Variants in ITPK1 observed in about 807,000 individuals in gnomAD.
ITPK1 encodes the protein inositol-tetrakisphosphate 1-kinase, also known as inositol 1,3,4-trisphosphate 5/6-kinase.
In ITPK1, 21 loss-of-function variants were observed where a neutral mutation model predicts 45.3. The ratio of observed to expected loss-of-function variants is 0.46; its 90% CI spans 0.33 to 0.67. The LOEUF (loss-of-function observed/expected upper bound fraction) is 0.67. Among genes scored for constraint, ITPK1 ranks in the 30% least tolerant of loss-of-function variants. The probability of loss-of-function intolerance (pLI) is 0.02; values close to 1 mark genes in which losing one functional copy is unlikely to be tolerated. For missense variants in ITPK1, 474 were observed against 573.5 expected (o/e 0.83, Z 1.77); for synonymous variants, 258 against 253.6 (o/e 1.02, Z -0.16).
chr14:93,051,761 C>T (rs557515068), intron 3 of ITPK1, among the ~76,000 whole-genome samples: 86 of 152,366 alleles, frequency 5.6e-4, no homozygotes, highest in Admixed American at 1.8e-3. Flanking sequence ...GACCGGAAAC[C>T]ACCCTGTGCC....
At chr14:93,046,131 C>T (rs908361209) in intron 3 of ITPK1, among the ~76,000 whole-genome samples, 6 of 152,206 alleles carry the variant, frequency 3.9e-5, no homozygotes, top group Non-Finnish European at 7.3e-5. Context: ...AAGCCGCACC[C>T]CTCCCTCCTG....
intron 3 of ITPK1, among the ~76,000 whole-genome samples, chr14:93,028,791 T>G (rs1222967973): frequency 6.6e-6 from 1 of 152,226 alleles, no homozygotes; most frequent in Non-Finnish European, 1.5e-5. Context: ...AGCTTCGGCA[T>G]TTCTAAGCCT....
chr14:93,075,326 C>CAAAA (rs58089863), intron 3 of ITPK1, among the ~76,000 whole-genome samples: 21 of 53,970 alleles, frequency 3.9e-4, no homozygotes, highest in African/African-American at 5.5e-4. Flanking sequence ...GACTCCTTCT[C>CAAAA]AAAAAAAAAA....
At chr14:92,970,052 C>T (rs920751434) in intron 5 of ITPK1, among the ~76,000 whole-genome samples, 10 of 152,178 alleles carry the variant, frequency 6.6e-5, no homozygotes, top group African/African-American at 1.9e-4. Flanking sequence ...CGCGTCACAC[C>T]TCATTACCCA....
At chr14:93,035,429 G>A (rs954223315) in intron 3 of ITPK1, among the ~76,000 whole-genome samples, 1 of 152,232 alleles carries the variant, frequency 6.6e-6, no homozygotes, top group Non-Finnish European at 1.5e-5. Context: ...ACAGTGGAAT[G>A]CCTCCCTCAT....
intron 8 of ITPK1, among the ~76,000 whole-genome samples, chr14:92,955,716 T>A (rs1884678673): frequency 6.6e-6 from 1 of 152,234 alleles, no homozygotes; most frequent in South Asian, 2.1e-4. Context: ...CTGGCAGTTG[T>A]CGAGTGAAGA....
At chr14:93,018,033 C>A (rs969663494) in intron 3 of ITPK1, among the ~76,000 whole-genome samples, 1 of 152,190 alleles carries the variant, frequency 6.6e-6, no homozygotes, top group African/African-American at 2.4e-5. Flanking sequence ...CCGCTGCCTG[C>A]CCCTGCAACC....
At chr14:93,027,311 C>G (rs540385293) in intron 3 of ITPK1, among the ~76,000 whole-genome samples, 2 of 152,192 alleles carry the variant, frequency 1.3e-5, no homozygotes, top group Admixed American at 6.5e-5. Flanking sequence ...GAAGAGCACA[C>G]GTTTGGAGTC....
intron 2 of ITPK1, among the ~76,000 whole-genome samples, chr14:93,104,378 A>T (rs905196100): frequency 1.3e-5 from 2 of 151,910 alleles, no homozygotes; most frequent in African/African-American, 4.8e-5. Flanking sequence ...AATCCCAGCT[A>T]CTGGGGAGGC....
chr14:93,018,055 G>A (rs767364545), intron 3 of ITPK1, among the ~76,000 whole-genome samples: 16 of 151,954 alleles, frequency 1.1e-4, no homozygotes, highest in East Asian at 1.9e-4. Context: ...CGCTCCCCAC[G>A]CCTGCTCTGT....
rs2139891639 is a variant in ITPK1 at position 93,032,020 on chromosome 14, C to T, written c.121-15219G>A. 6.6e-6 allele frequency among the ~76,000 whole-genome samples: 1 copy of T among 152,312 alleles called. No individual in the cohort carries two copies. The highest frequency in any genetic ancestry group is 1.9e-4 in the East Asian group (1 of 5,180). ...TGCTTTCCAATCCGAAGAGAGCATT[C>T]CTTGAGGCAGTTTTCCAAACTGGTA... is the stretch of plus-strand genomic sequence containing the variant. On this transcript the variant is annotated intron_variant, in intron 3 of 10. Coordinates refer to ENST00000267615, the MANE Select transcript of ITPK1 (RefSeq NM_014216.6). This position sits in a 1 kb window ranked among gnomAD's most constrained non-coding sequence, Gnocchi z 4.0.
chr14:92,945,302 CTGCGCA>C (rs1277238264), intron 10 of ITPK1, among the ~76,000 whole-genome samples: 6 of 152,274 alleles, frequency 3.9e-5, no homozygotes, highest in African/African-American at 1.4e-4. Context: ...CTGACTGCGC[CTGCGCA>C]TGCTCTCAGA....
At chr14:92,960,804 C>A (rs1010745136) in intron 7 of ITPK1, among the ~76,000 whole-genome samples, 8 of 152,376 alleles carry the variant, frequency 5.3e-5, no homozygotes, top group Non-Finnish European at 1.5e-5. Flanking sequence ...TGCTCTCGAG[C>A]CTTCCTGCTC....
At chr14:92,997,711 C>T (rs1436182571) in intron 4 of ITPK1, among the ~76,000 whole-genome samples, 1 of 152,220 alleles carries the variant, frequency 6.6e-6, no homozygotes, top group Non-Finnish European at 1.5e-5. Flanking sequence ...TGTTCCCTCG[C>T]AGGGCCTGCC....
In ITPK1 at chr14:93,115,094, A is replaced by G. The variant is rs1383226206; in HGVS notation, c.70T>C (p.Phe24Leu). ...CTGCACAGCTCGGCGAAGGCCTGGA[A>G]ATTCAGCTTCTTGATTTTCTTCTCG... ...LSEKKIKKLN[F>L]QAFAELCRKR... Residue 24 changes from phenylalanine to leucine, a missense_variant, in exon 2 of 11, where the codon TTC becomes CTC. This residue lies in a region of ITPK1 where 367 missense variants were observed against 480.6 expected (regional missense o/e 0.76). Coordinates refer to ENST00000267615, the MANE Select transcript of ITPK1 (RefSeq NM_014216.6). 11 of 1,600,830 alleles carry G rather than the reference A, an allele frequency of 6.9e-6. No individual in the cohort carries two copies. The Admixed American group carries it at 1.9e-4, about 27-fold the overall frequency.
At chr14:92,955,842 G>A (rs1884689410) in intron 8 of ITPK1, among the ~76,000 whole-genome samples, 1 of 152,246 alleles carries the variant, frequency 6.6e-6, no homozygotes. Flanking sequence ...TTGGAAAGCT[G>A]GGGTGAGGGC....
intron 3 of ITPK1, among the ~76,000 whole-genome samples, chr14:93,037,589 ACT>A (rs1341860324): frequency 1.3e-5 from 2 of 152,124 alleles, no homozygotes; most frequent in Non-Finnish European, 2.9e-5. Flanking sequence ...CAGGCCCAGG[ACT>A]CAAGAACTCC....
At chr14:92,995,899 C>T (rs1185385113) in intron 4 of ITPK1, among the ~76,000 whole-genome samples, 1 of 152,222 alleles carries the variant, frequency 6.6e-6, no homozygotes, top group Non-Finnish European at 1.5e-5. Context: ...ACAGTCTCAG[C>T]CTCACCCAAG....
chr14:92,958,244 C>A lies in ITPK1; in HGVS notation c.627G>T (p.Val209=). 1 of 1,614,180 alleles carries A rather than the reference C, an allele frequency of 6.2e-7. No homozygotes were observed. Among genetic ancestry groups the A allele is most frequent in the Non-Finnish European group, 8.5e-7 (1 of 1,180,026 alleles). Residue 209 remains valine, a synonymous_variant, in exon 8 of 11, where the codon GTG becomes GTT. Transcript: ENST00000267615. This position sits in a 1 kb window ranked among gnomAD's most constrained non-coding sequence, Gnocchi z 4.4. ...KVFVVGESYT[V]VQRPSLKNFS... Reference sequence around the variant, plus strand: ...AGTTCTTGAGTGAGGGCCTCTGGACCACGGTGTAGGACTCGCCAACCACGA... The same window carrying A: ...AGTTCTTGAGTGAGGGCCTCTGGACAACGGTGTAGGACTCGCCAACCACGA...
Sources: allele counts gnomAD v4.1 joint callset (sites outside exome capture counted in the v4.1 genomes callset), GRCh38; gene constraint gnomAD v4.1.1; regional missense constraint gnomAD v4.1.1; non-coding constraint Gnocchi (gnomAD v3.1); transcripts MANE v1.5; gene names NCBI Gene and HGNC (gene_info 2026-07-23, HGNC 2026-07-21).